DYNC1I1: variants seen among roughly 807,000 people sequenced by gnomAD.
The protein encoded by DYNC1I1 is cytoplasmic dynein 1 intermediate chain 1.
DYNC1I1 carries 43 observed loss-of-function variants against 86.6 expected under a neutral mutation model. The observed-to-expected ratio is 0.50, with a 90% CI of 0.39 to 0.64. The LOEUF (loss-of-function observed/expected upper bound fraction) is 0.64, where lower values mean the gene tolerates loss of function less well. Ranked by LOEUF, DYNC1I1 falls within the 30% of genes least tolerant of loss-of-function variation. DYNC1I1 has a pLI of 0.00. For missense variants in DYNC1I1, 604 were observed against 788.8 expected (o/e 0.77, Z 2.81); for synonymous variants, 262 against 283.7 (o/e 0.92, Z 0.77).
At chr7:96,050,818 C>G (rs1442743549) in intron 14 of DYNC1I1, among the ~76,000 whole-genome samples, 1 of 152,002 alleles carries the variant, frequency 6.6e-6, no homozygotes, top group Non-Finnish European at 1.5e-5. Flanking sequence ...TTGGAACATC[C>G]TTTTTTCAAT....
chr7:96,074,502 G>A (rs1003539001), intron 14 of DYNC1I1, among the ~76,000 whole-genome samples: 9 of 138,532 alleles, frequency 6.5e-5, no homozygotes, highest in African/African-American at 2.5e-4. Flanking sequence ...AATGAGCCGA[G>A]ATCGCGCCAC....
chr7:96,025,739 G>C lies in DYNC1I1; in HGVS notation c.970-2436G>C, dbSNP rs149975352. Among the ~76,000 whole-genome samples, 362 of 152,012 alleles carry C rather than the reference G, an allele frequency of 2.4e-3. 2 individuals are homozygous for C. Among genetic ancestry groups the C allele is most frequent in the African/African-American group, 8.2e-3 (339 of 41,450 alleles). On this transcript the variant is annotated intron_variant, in intron 10 of 16. Transcript: ENST00000447467. ...GGTATTGGAGTTCTCACTCTATGGG[G>C]TTGGGTTCTAGTTGATTGCCAACTA...
At chr7:96,049,563 T>C (rs1404630230) in intron 14 of DYNC1I1, among the ~76,000 whole-genome samples, 1 of 152,010 alleles carries the variant, frequency 6.6e-6, no homozygotes, top group Non-Finnish European at 1.5e-5. Context: ...GGCAAAGAAG[T>C]TTATAATAGA....
intron 5 of DYNC1I1, among the ~76,000 whole-genome samples, chr7:95,854,827 C>T (rs954060278): frequency 1.3e-5 from 2 of 152,066 alleles, no homozygotes; most frequent in Admixed American, 6.6e-5. Flanking sequence ...AAAATAGTGA[C>T]GTACAGAAAA....
intron 16 of DYNC1I1, among the ~76,000 whole-genome samples, chr7:96,109,499 A>G (rs968991551): frequency 2.0e-5 from 3 of 152,038 alleles, no homozygotes; most frequent in Non-Finnish European, 4.4e-5. Flanking sequence ...GAGACCTTCC[A>G]TCTTTCTAAT....
At chr7:95,801,770 G>T (rs768311364) in intron 1 of DYNC1I1, among the ~76,000 whole-genome samples, 4 of 152,132 alleles carry the variant, frequency 2.6e-5, no homozygotes, top group Non-Finnish European at 5.9e-5. Flanking sequence ...TGGAATTCCT[G>T]CCAGGAATTT....
chr7:95,931,880 G>A (rs1213814823), intron 6 of DYNC1I1, among the ~76,000 whole-genome samples: 1 of 152,124 alleles, frequency 6.6e-6, no homozygotes, highest in Admixed American at 6.5e-5. Context: ...TATTGATTGT[G>A]GTGGCGTTAA....
At chr7:96,084,935 A>C (rs1432595536) in intron 16 of DYNC1I1, among the ~76,000 whole-genome samples, 1 of 152,142 alleles carries the variant, frequency 6.6e-6, no homozygotes, top group Admixed American at 6.5e-5. Flanking sequence ...CCCCAGTTGG[A>C]GTGGAGCGGG....
intron 10 of DYNC1I1, among the ~76,000 whole-genome samples, chr7:96,025,979 G>A (rs1794672483): frequency 6.6e-6 from 1 of 151,924 alleles, no homozygotes; most frequent in Admixed American, 6.5e-5. Flanking sequence ...GATACCACCT[G>A]GATAATTTTA....
At chr7:96,082,197 A>G (rs1022700901) in intron 16 of DYNC1I1, among the ~76,000 whole-genome samples, 6 of 152,170 alleles carry the variant, frequency 3.9e-5, no homozygotes, top group Non-Finnish European at 5.9e-5. Flanking sequence ...GGCCCTCATC[A>G]AAGTAAAACT....
intron 6 of DYNC1I1, among the ~76,000 whole-genome samples, chr7:95,964,573 T>C (rs964651340): frequency 3.3e-5 from 5 of 152,348 alleles, no homozygotes; most frequent in African/African-American, 1.2e-4. Flanking sequence ...GTCTTTGCTA[T>C]TGTGGAATTC....
chr7:96,064,535 TG>T (rs1478250477), intron 14 of DYNC1I1, among the ~76,000 whole-genome samples: 3 of 152,162 alleles, frequency 2.0e-5, no homozygotes, highest in Non-Finnish European at 2.9e-5. Flanking sequence ...TTGCCATGAC[TG>T]GGCAGCAAAT....
At chr7:95,984,257 T>G (rs1317884956) in intron 7 of DYNC1I1, among the ~76,000 whole-genome samples, 1 of 152,192 alleles carries the variant, frequency 6.6e-6, no homozygotes, top group Non-Finnish European at 1.5e-5. Flanking sequence ...AAAGCAGGTT[T>G]GGAATGATAT....
intron 1 of DYNC1I1, among the ~76,000 whole-genome samples, chr7:95,785,312 G>A (rs145297869): frequency 0.031 from 4,693 of 152,228 alleles, 262 homozygotes; most frequent in African/African-American, 0.11. Context: ...TACTTAGGAG[G>A]CTGAGGTGGG....
intron 9 of DYNC1I1, among the ~76,000 whole-genome samples, chr7:95,987,649 C>A (rs1793629254): frequency 6.6e-6 from 1 of 152,146 alleles, no homozygotes; most frequent in Non-Finnish European, 1.5e-5. Context: ...TCCTGAGGTG[C>A]TCTCTGCAGG....
chr7:96,095,392 C>CT (rs1790971215), intron 16 of DYNC1I1, among the ~76,000 whole-genome samples: 1 of 152,122 alleles, frequency 6.6e-6, no homozygotes, highest in Non-Finnish European at 1.5e-5. Flanking sequence ...ACATGGCTAT[C>CT]AATAACATAT....
intron 6 of DYNC1I1, among the ~76,000 whole-genome samples, chr7:95,947,127 A>G (rs1054761974): frequency 2.8e-4 from 42 of 152,194 alleles, no homozygotes; most frequent in African/African-American, 1.0e-3. Context: ...CCTCTGTTGT[A>G]AAAATGGGGA....
chr7:96,097,745 A>G lies in DYNC1I1; in HGVS notation c.*152A>G. 1 of 1,384,220 alleles carries G rather than the reference A, an allele frequency of 7.2e-7. No homozygotes were observed. Among genetic ancestry groups the G allele is most frequent in the Non-Finnish European group, 9.4e-7 (1 of 1,062,484 alleles). The allele number at this position is 1,384,220 out of a possible 1,614,324, so 85.7% of individuals were successfully genotyped here. Reference sequence around the variant, plus strand: ...GTGCCAGCTTTGCTCCAAGTATTCTAAATGTGTCCCATCATGCTTTCCACT... The same window carrying G: ...GTGCCAGCTTTGCTCCAAGTATTCTGAATGTGTCCCATCATGCTTTCCACT... On this transcript the variant is annotated 3_prime_UTR_variant, in exon 17 of 17. Coordinates refer to ENST00000447467, the MANE Select transcript of DYNC1I1 (RefSeq NM_001135556.2).
At chr7:95,976,117 A>G (rs1026673654) in intron 6 of DYNC1I1, among the ~76,000 whole-genome samples, 1 of 152,202 alleles carries the variant, frequency 6.6e-6, no homozygotes. Context: ...TTTTCATCTC[A>G]TAACTGTGAC....
Sources: gnomAD v4.1 joint callset for allele counts (sites outside exome capture counted in the v4.1 genomes callset) on GRCh38, gnomAD v4.1.1 for gene constraint, MANE v1.5 for transcripts, NCBI Gene and HGNC (gene_info 2026-07-23, HGNC 2026-07-21) for gene names.